The following AFG1L variants were observed in gnomAD, a reference collection of about 807,000 sequenced individuals.
The protein encoded by AFG1L is AFG1 like ATPase, also known as AFG1-like ATPase.
AFG1L carries 53 observed loss-of-function variants against 62.2 expected under a neutral mutation model. That is an observed-to-expected ratio of 0.85 (90% CI 0.68 to 1.07). The LOEUF (loss-of-function observed/expected upper bound fraction) is 1.07. Ranked by LOEUF, AFG1L falls within the 50% of genes least tolerant of loss-of-function variation. AFG1L has a pLI of 0.00. For missense variants in AFG1L, 555 were observed against 590.5 expected (o/e 0.94, Z 0.62); for synonymous variants, 228 against 210.3 (o/e 1.08, Z -0.73).
In AFG1L at chr6:108,326,762, C is replaced by A. The variant is rs571959226; in HGVS notation, c.363+2714C>A. ...ATCACCTGAGGTCAGGAGTTTGAGA[C>A]CAGCCTGGCCAACATGATGAAACCC... is the stretch of plus-strand genomic sequence containing the variant. On this transcript the variant is annotated intron_variant, in intron 2 of 12. Coordinates refer to ENST00000368977, the MANE Select transcript of AFG1L (RefSeq NM_145315.5). Among the ~76,000 whole-genome samples the A allele has an allele frequency of 3.3e-4, 50 of 152,126 alleles. 1 individual carries two copies. Among genetic ancestry groups the A allele is most frequent in the Non-Finnish European group, 4.7e-4 (32 of 68,018 alleles).
intron 6 of AFG1L, among the ~76,000 whole-genome samples, chr6:108,390,682 A>G (rs1393015587): frequency 6.6e-6 from 1 of 152,222 alleles, no homozygotes; most frequent in Non-Finnish European, 1.5e-5. Context: ...CAAACAGCGA[A>G]TATTGCTGAA....
intron 6 of AFG1L, among the ~76,000 whole-genome samples, chr6:108,371,139 C>T (rs550170049): frequency 6.6e-6 from 1 of 152,218 alleles, no homozygotes; most frequent in Admixed American, 6.5e-5. Flanking sequence ...CTGTTAAAAC[C>T]CCAAATCAGT....
chr6:108,313,919 T>C (rs927317251), intron 1 of AFG1L, among the ~76,000 whole-genome samples: 1 of 152,188 alleles, frequency 6.6e-6, no homozygotes, highest in African/African-American at 2.4e-5. Flanking sequence ...GTAGTTTTAT[T>C]GAAAATAATT....
intron 1 of AFG1L, among the ~76,000 whole-genome samples, chr6:108,322,238 C>T (rs1338545566): frequency 6.6e-6 from 1 of 152,042 alleles, no homozygotes; most frequent in Non-Finnish European, 1.5e-5. Flanking sequence ...CATAAAAATC[C>T]AGGTAGGCAA....
At chr6:108,347,417 C>A (rs971304877) in intron 3 of AFG1L, among the ~76,000 whole-genome samples, 1 of 152,078 alleles carries the variant, frequency 6.6e-6, no homozygotes, top group African/African-American at 2.4e-5. Context: ...CTTTTAATTT[C>A]CATTAATATT....
At chr6:108,469,995 C>G (rs868208466) in intron 8 of AFG1L, among the ~76,000 whole-genome samples, 41 of 152,152 alleles carry the variant, frequency 2.7e-4, no homozygotes, top group African/African-American at 9.2e-4. Flanking sequence ...CCGTTTGCAG[C>G]CTAACTCCTC....
intron 5 of AFG1L, among the ~76,000 whole-genome samples, chr6:108,357,864 C>T (rs1268713996): frequency 6.6e-6 from 1 of 152,182 alleles, no homozygotes; most frequent in Admixed American, 6.5e-5. Context: ...CCTTTAGCAA[C>T]TGGTACACAT....
chr6:108,425,291 G>C (rs1770763242), intron 7 of AFG1L, among the ~76,000 whole-genome samples: 1 of 152,116 alleles, frequency 6.6e-6, no homozygotes. Context: ...AAATAAGGAT[G>C]GTTGTTCACA....
At chr6:108,382,443 C>G (rs1437473615) in intron 6 of AFG1L, among the ~76,000 whole-genome samples, 1 of 152,088 alleles carries the variant, frequency 6.6e-6, no homozygotes, top group Admixed American at 6.5e-5. Context: ...CTGAATATCA[C>G]TAGAAAGTTG....
Position 108,522,607 on chromosome 6 carries a change from T to A in AFG1L, c.*182T>A. The A allele has an allele frequency of 2.0e-6, 1 of 499,762 alleles. No individual in the cohort carries two copies. The highest frequency in any genetic ancestry group is 4.1e-5 in the South Asian group (1 of 24,216). The allele number at this position is 499,762 out of a possible 1,614,324, so 31.0% of individuals were successfully genotyped here. A position where few individuals can be genotyped will look rare whatever the true frequency, so the allele number is the denominator to read the frequency against. Reference sequence around the variant, plus strand: ...AGTAAGTTAAACACTTAACATTTTTTAGGTCTGCTTTTTCTTATTTGGCCT... The same window carrying A: ...AGTAAGTTAAACACTTAACATTTTTAAGGTCTGCTTTTTCTTATTTGGCCT... On this transcript the variant is annotated 3_prime_UTR_variant, in exon 13 of 13. Transcript: ENST00000368977.
chr6:108,329,559 A>C (rs1017757605), intron 2 of AFG1L, among the ~76,000 whole-genome samples: 5 of 152,156 alleles, frequency 3.3e-5, no homozygotes, highest in Admixed American at 6.5e-5. Context: ...TTGGCCTCCC[A>C]AAGTGCTGGG....
At chr6:108,503,647 G>A (rs1302292737) in intron 10 of AFG1L, among the ~76,000 whole-genome samples, 2 of 152,220 alleles carry the variant, frequency 1.3e-5, no homozygotes, top group African/African-American at 2.4e-5. Context: ...TGGTAAATGA[G>A]CATTGGCTTC....
intron 8 of AFG1L, among the ~76,000 whole-genome samples, chr6:108,465,638 C>T (rs1772633924): frequency 6.9e-6 from 1 of 145,760 alleles, no homozygotes. Flanking sequence ...AACAAGAGGG[C>T]CCTAGAGTCA....
intron 6 of AFG1L, among the ~76,000 whole-genome samples, chr6:108,375,804 G>T (rs1214688269): frequency 6.6e-6 from 1 of 152,012 alleles, no homozygotes; most frequent in East Asian, 1.9e-4. Context: ...GCCAGGTTTT[G>T]GTACTAGGGT....
chr6:108,479,163 A>T (rs1489335527), intron 10 of AFG1L, among the ~76,000 whole-genome samples: 1 of 152,020 alleles, frequency 6.6e-6, no homozygotes, highest in Non-Finnish European at 1.5e-5. Flanking sequence ...GGCTAGTTTA[A>T]AAAGTTTTGT....
chr6:108,415,012 T>C (rs1307968333), intron 7 of AFG1L, among the ~76,000 whole-genome samples: 4 of 152,096 alleles, frequency 2.6e-5, no homozygotes, highest in Non-Finnish European at 5.9e-5. Flanking sequence ...GATTGTATAT[T>C]TAGAAAACCC....
At position 108,446,488 on chromosome 6, in the gene AFG1L, TCTC is replaced by T. The variant is rs144806496; in HGVS notation, c.808-725_808-723del. On this transcript the variant is annotated intron_variant, in intron 7 of 12. Coordinates refer to ENST00000368977, the MANE Select transcript of AFG1L (RefSeq NM_145315.5). ...TAATGTTCTGGCCCAACTCTCTCTCTCTCTTTTTTTTTTTTTTTTTTTTTGTGT... is the reference window on the plus strand; with the variant it reads ...TAATGTTCTGGCCCAACTCTCTCTCTTTTTTTTTTTTTTTTTTTTTTGTGT... Among the ~76,000 whole-genome samples the T allele has an allele frequency of 8.0e-4, 106 of 132,976 alleles. 1 individual carries two copies. Among genetic ancestry groups the T allele is most frequent in the Middle Eastern group, 3.7e-3 (1 of 268 alleles). 87.2% of individuals were successfully genotyped at this position (132,976 alleles called of 152,430 possible). A position where few individuals can be genotyped will look rare whatever the true frequency, so the allele number is the denominator to read the frequency against.
At chr6:108,312,269 T>C (rs368498778) in intron 1 of AFG1L, among the ~76,000 whole-genome samples, 1 of 152,194 alleles carries the variant, frequency 6.6e-6, no homozygotes, top group East Asian at 1.9e-4. Flanking sequence ...GCCAGGCAAG[T>C]GGCTCATACC....
chr6:108,355,981 T>C lies in AFG1L; in HGVS notation c.517+226T>C, dbSNP rs377121131. Among the ~76,000 whole-genome samples, 37 of 152,346 alleles carry C rather than the reference T, an allele frequency of 2.4e-4. No individual in the cohort carries two copies. The South Asian group carries it at 7.7e-3, about 32-fold the overall frequency. On this transcript the variant is annotated intron_variant, in intron 4 of 12. Transcript: ENST00000368977. ...AAATCAGAGAACAGAGATTGCTGTA[T>C]GAAGCTCAGGCATTTTCTGTTTCTA...
Sources: gnomAD v4.1 joint callset for allele counts (sites outside exome capture counted in the v4.1 genomes callset) on GRCh38, gnomAD v4.1.1 for gene constraint, MANE v1.5 for transcripts, NCBI Gene and HGNC (gene_info 2026-07-23, HGNC 2026-07-21) for gene names.